The following LHPP variants were observed in gnomAD, a reference collection of about 807,000 sequenced individuals.
LHPP encodes the protein hLHPP.
A neutral mutation model predicts 30.3 loss-of-function variants in LHPP; 24 were observed. The ratio of observed to expected loss-of-function variants is 0.79; its 90% CI spans 0.57 to 1.11. LHPP has a LOEUF of 1.11. Ranked by LOEUF, LHPP falls within the 50% of genes most tolerant of loss-of-function variation. The pLI, the probability that LHPP is intolerant of heterozygous loss-of-function variation, is 0.00. For missense variants in LHPP, 356 were observed against 367.2 expected (o/e 0.97, Z 0.25); for synonymous variants, 150 against 157.1 (o/e 0.95, Z 0.34).
intron 1 of LHPP, among the ~76,000 whole-genome samples, chr10:124,467,814 C>G (rs2133811657): frequency 6.6e-6 from 1 of 152,226 alleles, no homozygotes; most frequent in South Asian, 2.1e-4. Flanking sequence ...CTCCTGGGTT[C>G]AAGGGATTCT....
In LHPP at chr10:124,576,851, C is replaced by T. The variant is rs1047416009; in HGVS notation, c.717-36413C>T. 1.3e-5 allele frequency among the ~76,000 whole-genome samples: 2 copies of T among 151,852 alleles called. No homozygotes were observed. The highest frequency in any genetic ancestry group is 2.1e-4 in the South Asian group (1 of 4,810). On this transcript the variant is annotated intron_variant, in intron 6 of 6. Transcript: ENST00000368842. This position sits in a 1 kb window ranked among gnomAD's most constrained non-coding sequence, Gnocchi z 4.2. ...CACGATACCTCATCCAGCCCGGGCC[C>T]GTGGGTGGGCTGCTGAGCACCCGAC...
intron 5 of LHPP, among the ~76,000 whole-genome samples, chr10:124,509,275 A>G (rs1037184325): frequency 2.0e-5 from 3 of 152,220 alleles, no homozygotes; most frequent in African/African-American, 4.8e-5. Flanking sequence ...TCACAGCTGC[A>G]TACTATTCCA....
At chr10:124,600,840 C>A (rs951027547) in intron 6 of LHPP, among the ~76,000 whole-genome samples, 1 of 152,244 alleles carries the variant, frequency 6.6e-6, no homozygotes, top group Admixed American at 6.5e-5. Context: ...AGGAAGGAGG[C>A]TGCCTGCTTG....
intron 6 of LHPP, among the ~76,000 whole-genome samples, chr10:124,566,712 G>T (rs979758217): frequency 8.5e-5 from 13 of 152,170 alleles, no homozygotes; most frequent in Admixed American, 2.6e-4. Context: ...ACTTGGCCTG[G>T]CCACTGTGAG....
intron 6 of LHPP, among the ~76,000 whole-genome samples, chr10:124,560,702 G>A (rs1238171040): frequency 6.6e-5 from 10 of 152,298 alleles, no homozygotes; most frequent in East Asian, 1.9e-4. Flanking sequence ...GAGCCTGGCC[G>A]GCCCAACTAC....
intron 3 of LHPP, 22 bp downstream of exon 3, chr10:124,488,597 T>A: frequency 6.3e-7 from 1 of 1,594,068 alleles, no homozygotes; most frequent in Non-Finnish European, 8.5e-7. Flanking sequence ...CCAGGGAGAG[T>A]CATTTCTCGG....
At chr10:124,524,172 G>T (rs1412801628) in intron 6 of LHPP, among the ~76,000 whole-genome samples, 1 of 151,932 alleles carries the variant, frequency 6.6e-6, no homozygotes, top group African/African-American at 2.4e-5. Context: ...CCAAAAAGAA[G>T]CCTCAAATCG....
At chr10:124,482,926 G>C (rs1953187251) in intron 1 of LHPP, among the ~76,000 whole-genome samples, 1 of 152,176 alleles carries the variant, frequency 6.6e-6, no homozygotes, top group Non-Finnish European at 1.5e-5. Context: ...TGGTGGCCTG[G>C]AGATCAGGGA....
chr10:124,580,118 C>T (rs1011766677), intron 6 of LHPP, among the ~76,000 whole-genome samples: 61 of 152,226 alleles, frequency 4.0e-4, no homozygotes, highest in Middle Eastern at 6.8e-3. Flanking sequence ...CTGTGGAATG[C>T]TTGTTACTGA....
In LHPP at chr10:124,546,690, GT is replaced by G. The variant is rs1448545872; in HGVS notation, c.716+29420del. Among the ~76,000 whole-genome samples, 10 of 152,114 alleles carry G rather than the reference GT, an allele frequency of 6.6e-5. No homozygotes were observed. The South Asian group carries it at 1.7e-3, about 25-fold the overall frequency. Reference sequence around the variant, plus strand: ...CTCCCAAAGTGCTGGAATTACAGGCGTGAGCCACCGCGCCCGCCTCATGCGG... The same window carrying G: ...CTCCCAAAGTGCTGGAATTACAGGCGGAGCCACCGCGCCCGCCTCATGCGG... On this transcript the variant is annotated intron_variant, in intron 6 of 6. Coordinates refer to ENST00000368842, the MANE Select transcript of LHPP (RefSeq NM_022126.4).
intron 1 of LHPP, among the ~76,000 whole-genome samples, chr10:124,473,334 G>T (rs1161430576): frequency 6.6e-6 from 1 of 152,208 alleles, no homozygotes; most frequent in Non-Finnish European, 1.5e-5. Flanking sequence ...TGTCCAGCTT[G>T]TAGAGGAGGA....
chr10:124,535,168 A>T (rs1954992772), intron 6 of LHPP, among the ~76,000 whole-genome samples: 1 of 152,130 alleles, frequency 6.6e-6, no homozygotes, highest in Non-Finnish European at 1.5e-5. Context: ...CAGATGCAGG[A>T]CCCACTCCAC....
At chr10:124,606,283 G>A (rs1949091864) in intron 6 of LHPP, among the ~76,000 whole-genome samples, 1 of 151,848 alleles carries the variant, frequency 6.6e-6, no homozygotes, top group South Asian at 2.1e-4. Context: ...TTCTCGGGGG[G>A]ACAGCAGCAA....
chr10:124,551,989 G>A (rs1948177221), intron 6 of LHPP, among the ~76,000 whole-genome samples: 1 of 152,110 alleles, frequency 6.6e-6, no homozygotes, highest in African/African-American at 2.4e-5. Context: ...CTGAGCACAG[G>A]CACGTCCATC....
At chr10:124,591,840 C>CTTT (rs72511686) in intron 6 of LHPP, among the ~76,000 whole-genome samples, 3 of 145,798 alleles carry the variant, frequency 2.1e-5, no homozygotes, top group Non-Finnish European at 3.0e-5. Context: ...ACATTCTCAT[C>CTTT]TCTCTGATCT....
chr10:124,467,320 G>A (rs1436076420), intron 1 of LHPP, among the ~76,000 whole-genome samples: 1 of 150,692 alleles, frequency 6.6e-6, no homozygotes, highest in Non-Finnish European at 1.5e-5. Flanking sequence ...GGGGTATTGT[G>A]GGGGTCAGGG....
chr10:124,612,178 C>T (rs1435102254), intron 6 of LHPP, among the ~76,000 whole-genome samples: 1 of 152,108 alleles, frequency 6.6e-6, no homozygotes, highest in African/African-American at 2.4e-5. Context: ...CTAAGGCGGG[C>T]AAATCACTTG....
intron 6 of LHPP, among the ~76,000 whole-genome samples, chr10:124,555,383 G>A (rs1193780746): frequency 6.6e-6 from 1 of 152,218 alleles, no homozygotes. Context: ...TGGAGGAAGG[G>A]AGGAAGGGAG....
intron 5 of LHPP, among the ~76,000 whole-genome samples, chr10:124,502,371 C>CTTTTTT (rs199524033): frequency 6.8e-6 from 1 of 147,290 alleles, no homozygotes; most frequent in Non-Finnish European, 1.5e-5. Context: ...CAGTAATTAT[C>CTTTTTT]TTTTTTTTTT....
Sources: gnomAD v4.1 joint callset for allele counts (sites outside exome capture counted in the v4.1 genomes callset) on GRCh38, gnomAD v4.1.1 for gene constraint, Gnocchi (gnomAD v3.1) non-coding constraint, MANE v1.5 for transcripts, NCBI Gene and HGNC (gene_info 2026-07-23, HGNC 2026-07-21) for gene names.